Variants in DEPTOR observed in about 807,000 individuals in gnomAD.
DEPTOR encodes the protein DEP domain containing MTOR interacting protein, also known as DEP domain-containing mTOR-interacting protein.
A neutral mutation model predicts 41.6 loss-of-function variants in DEPTOR; 41 were observed. The ratio of observed to expected loss-of-function variants is 0.98; its 90% CI spans 0.77 to 1.28. The LOEUF (loss-of-function observed/expected upper bound fraction) is 1.28. DEPTOR is among the 50% of genes most tolerant of loss of function. The pLI, the probability that DEPTOR is intolerant of heterozygous loss-of-function variation, is 0.00. For synonymous variants in DEPTOR, 195 were observed against 192.3 expected (o/e 1.01, Z -0.12); for missense variants, 514 against 527.9 (o/e 0.97, Z 0.26).
intron 1 of DEPTOR, among the ~76,000 whole-genome samples, chr8:119,906,594 G>A (rs1391111946): frequency 6.6e-6 from 1 of 152,166 alleles, no homozygotes; most frequent in Non-Finnish European, 1.5e-5. Context: ...GAGAGGCCAG[G>A]CCTGTCAGAT....
intron 4 of DEPTOR, among the ~76,000 whole-genome samples, chr8:119,971,047 G>A (rs561347031): frequency 7.9e-5 from 12 of 151,982 alleles, no homozygotes; most frequent in South Asian, 2.1e-4. Flanking sequence ...TGGCTAACAC[G>A]GTGAAACCCC....
chr8:119,901,675 CAA>C (rs36026315), intron 1 of DEPTOR, among the ~76,000 whole-genome samples: 1,568 of 88,252 alleles, frequency 0.018, 28 homozygotes, highest in African/African-American at 0.053. Context: ...GACTCTGTCT[CAA>C]AAAAAAAAAA....
intron 1 of DEPTOR, among the ~76,000 whole-genome samples, chr8:119,909,543 G>T (rs1827709837): frequency 6.6e-6 from 1 of 152,064 alleles, no homozygotes; most frequent in South Asian, 2.1e-4. Flanking sequence ...GAGCCTTTAG[G>T]GTGGCATGAA....
At chr8:119,932,384 T>C (rs1828056215) in intron 3 of DEPTOR, among the ~76,000 whole-genome samples, 1 of 151,670 alleles carries the variant, frequency 6.6e-6, no homozygotes, top group Non-Finnish European at 1.5e-5. Flanking sequence ...GAACTGTTAT[T>C]GCTTAATGGG....
intron 4 of DEPTOR, among the ~76,000 whole-genome samples, chr8:119,990,933 CT>C (rs201565139): frequency 2.3e-3 from 346 of 152,218 alleles, no homozygotes; most frequent in African/African-American, 7.9e-3. Flanking sequence ...GATTCAAGGA[CT>C]TTTGCTGCTT....
chr8:119,873,754 T>C lies in DEPTOR; in HGVS notation c.-93T>C. The C allele has an allele frequency of 6.5e-7, 1 of 1,544,140 alleles. No homozygotes were observed. The highest frequency in any genetic ancestry group is 1.2e-5 in the South Asian group (1 of 84,082). On this transcript the variant is annotated 5_prime_UTR_variant, in exon 1 of 9. An upstream start codon of the reference 5' UTR is lost. Transcript: ENST00000286234. ...GCAGCGGAGCTGCCCCGAACAAAGA[T>C]GGCGCGGGAAGCGTCTGTGAGGGCA... is the stretch of plus-strand genomic sequence containing the variant.
intron 4 of DEPTOR, among the ~76,000 whole-genome samples, chr8:119,989,757 C>G (rs1812121577): frequency 6.6e-6 from 1 of 152,216 alleles, no homozygotes; most frequent in South Asian, 2.1e-4. Flanking sequence ...CATCTACATT[C>G]TCATTATCAG....
chr8:119,907,757 C>T (rs1827682281), intron 1 of DEPTOR, among the ~76,000 whole-genome samples: 1 of 150,672 alleles, frequency 6.6e-6, no homozygotes, highest in African/African-American at 2.4e-5. Flanking sequence ...TCTGGCCTGG[C>T]AACAGAGAGA....
At chr8:119,967,736 A>C (rs1828581394) in intron 4 of DEPTOR, among the ~76,000 whole-genome samples, 1 of 148,716 alleles carries the variant, frequency 6.7e-6, no homozygotes, top group African/African-American at 2.5e-5. Flanking sequence ...CCTGGGTGGC[A>C]GAGCAAGACT....
chr8:119,935,832 A>G (rs1828104327), intron 3 of DEPTOR, among the ~76,000 whole-genome samples: 1 of 152,122 alleles, frequency 6.6e-6, no homozygotes, highest in South Asian at 2.1e-4. Context: ...TGTTTGAGGT[A>G]CAATTTGGTT....
chr8:120,039,079 G>A (rs1813020740), intron 8 of DEPTOR, among the ~76,000 whole-genome samples: 1 of 152,150 alleles, frequency 6.6e-6, no homozygotes, highest in African/African-American at 2.4e-5. Context: ...AACTCTCAAA[G>A]CGATCAGGTA....
chr8:119,929,673 G>T, intron 2 of DEPTOR, 142 bp from the exon 3 acceptor site: 2 of 1,124,922 alleles, frequency 1.8e-6, no homozygotes, highest in Non-Finnish European at 2.5e-6. Context: ...TATTTTACAA[G>T]TATTAGCTCA....
At chr8:119,997,185 T>G (rs1272832745) in intron 4 of DEPTOR, among the ~76,000 whole-genome samples, 3 of 152,184 alleles carry the variant, frequency 2.0e-5, no homozygotes, top group African/African-American at 4.8e-5. Context: ...CCTCAAGCGA[T>G]CCTCCCATTT....
chr8:120,033,147 A>G (rs1348894590), intron 8 of DEPTOR, among the ~76,000 whole-genome samples: 2 of 135,254 alleles, frequency 1.5e-5, no homozygotes, highest in African/African-American at 5.7e-5. Context: ...GAGTGCAATG[A>G]TGTGATTTCA....
intron 3 of DEPTOR, among the ~76,000 whole-genome samples, chr8:119,950,515 A>G (rs2129924171): frequency 6.6e-6 from 1 of 152,218 alleles, no homozygotes; most frequent in African/African-American, 2.4e-5. Context: ...TCCCAGGTTC[A>G]AGCAATTCTC....
At chr8:120,003,135 G>A (rs762783059) in intron 6 of DEPTOR, 24 bp downstream of exon 6, 23 of 1,607,646 alleles carry the variant, frequency 1.4e-5, no homozygotes, top group East Asian at 4.5e-5. Flanking sequence ...AGGTGGCCCC[G>A]CTCCTAAGAC....
At chr8:119,954,748 G>T (rs1284242728) in intron 3 of DEPTOR, among the ~76,000 whole-genome samples, 1 of 152,110 alleles carries the variant, frequency 6.6e-6, no homozygotes, top group African/African-American at 2.4e-5. Flanking sequence ...GTTAATACGG[G>T]TCTGGGAAAT....
At chr8:119,947,094 G>A (rs1490264785) in intron 3 of DEPTOR, among the ~76,000 whole-genome samples, 1 of 152,182 alleles carries the variant, frequency 6.6e-6, no homozygotes, top group South Asian at 2.1e-4. Flanking sequence ...CAATGATTCT[G>A]TTAAGGTAAG....
intron 1 of DEPTOR, among the ~76,000 whole-genome samples, chr8:119,878,216 T>C (rs1827252974): frequency 6.6e-6 from 1 of 152,166 alleles, no homozygotes; most frequent in South Asian, 2.1e-4. Flanking sequence ...GGTTTCTCCA[T>C]GTTGGTCAGG....
Sources: allele counts gnomAD v4.1 joint callset (sites outside exome capture counted in the v4.1 genomes callset), GRCh38; gene constraint gnomAD v4.1.1; transcripts MANE v1.5; gene names NCBI Gene and HGNC (gene_info 2026-07-23, HGNC 2026-07-21).